PLEKHG3: variants seen among roughly 807,000 people sequenced by gnomAD.
PLEKHG3 encodes the protein pleckstrin homology domain-containing family G member 3.
Under a neutral mutation model 94.9 loss-of-function variants are expected in PLEKHG3, and 62 were observed. The ratio of observed to expected loss-of-function variants is 0.65; its 90% CI spans 0.53 to 0.81. The LOEUF is 0.81. PLEKHG3 is among the 30% of genes least tolerant of loss of function. The pLI is 0.00. For missense variants in PLEKHG3, 1,461 were observed against 1,619.3 expected, an observed-to-expected ratio of 0.90 and a Z score of 1.68; for synonymous variants, 614 against 654.0, an observed-to-expected ratio of 0.94 and a Z score of 0.93.
chr14:64,743,353 A>C lies in PLEKHG3; in HGVS notation c.3310A>C (p.Lys1104Gln). The C allele has an allele frequency of 1.9e-6, 3 of 1,608,028 alleles. No individual in the cohort carries two copies. Among genetic ancestry groups the C allele is most frequent in the Non-Finnish European group, 2.5e-6 (3 of 1,177,450 alleles). ...GGGCCGCTGCCGCAGCCTGAGCACC[A>C]AGAGGGGCCGGGGAGGCGGAGAGGC... is the stretch of plus-strand genomic sequence containing the variant. ...RVGRCRSLST[K>Q]RGRGGGEAAQ... The change falls in exon 17 of 17, where the codon AAG becomes CAG. Residue 1104 changes from lysine to glutamine, a missense_variant. Coordinates refer to ENST00000247226, the MANE Select transcript of PLEKHG3 (RefSeq NM_001308147.2). This position sits in a 1 kb window ranked among gnomAD's most constrained non-coding sequence, Gnocchi z 7.2.
At position 64,742,435 on chromosome 14, in the gene PLEKHG3, G is replaced by A; in HGVS notation, c.2918G>A (p.Gly973Glu). Residue 973 changes from glycine (G) to glutamate (E), a missense_variant, in exon 16 of 17, where the codon GGA (glycine) becomes GAA (glutamate). Physicochemically the swap from Gly to Glu is moderately conservative, Grantham distance 98. Transcript: ENST00000247226. The part of the protein sequence containing the change: ...PTVPCLQEEA[G>E]EPLGGKGKRK... ...GTGCCCTGTCTACAGGAAGAGGCTGGAGAGCCATTAGGTGGCAAAGGTATG... is the reference window on the plus strand; with the variant it reads ...GTGCCCTGTCTACAGGAAGAGGCTGAAGAGCCATTAGGTGGCAAAGGTATG... 6.2e-7 allele frequency: 1 copy of A among 1,609,536 alleles called. No individual in the cohort carries two copies. The highest frequency in any genetic ancestry group is 8.5e-7 in the Non-Finnish European group (1 of 1,177,896).
In PLEKHG3 at chr14:64,730,848, T is replaced by A; in HGVS notation, c.616T>A (p.Phe206Ile). Residue 206 changes from phenylalanine to isoleucine, a missense_variant, in exon 6 of 17, where the codon TTC becomes ATC. Phe to Ile is a conservative substitution (Grantham distance 21). Transcript: ENST00000247226. This position sits in a 1 kb window ranked among gnomAD's most constrained non-coding sequence, Gnocchi z 5.4. ...CATGCGGGACAAGCAGCAGGCCAAG[T>A]TCTTTCGGGACCGGCAGGAGCTGCT... ...ECMRDKQQAK[F>I]FRDRQELLQH... 1 of 1,613,516 alleles carries A rather than the reference T, an allele frequency of 6.2e-7. No homozygotes were observed. The highest frequency in any genetic ancestry group is 8.5e-7 in the Non-Finnish European group (1 of 1,180,008).
intron 12 of PLEKHG3, among the ~76,000 whole-genome samples, 198 bp from the exon 13 acceptor site, chr14:64,736,655 G>A (rs2081575280): frequency 6.6e-6 from 1 of 152,172 alleles, no homozygotes; most frequent in Non-Finnish European, 1.5e-5. Context: ...AGATGGATGG[G>A]CCCGCCTCCC....
At chr14:64,705,510 A>T (rs192125342) in intron 1 of PLEKHG3, among the ~76,000 whole-genome samples, 24 of 152,134 alleles carry the variant, frequency 1.6e-4, no homozygotes, top group Admixed American at 2.6e-4. Flanking sequence ...GTCACTCGCT[A>T]ATCTGTTGGC....
In PLEKHG3 at chr14:64,731,493, C is replaced by A. The variant is rs1265600571; in HGVS notation, c.982C>A (p.Leu328Ile). 6.2e-7 allele frequency: 1 copy of A among 1,614,036 alleles called. No homozygotes were observed. Among genetic ancestry groups the A allele is most frequent in the East Asian group, 2.2e-5 (1 of 44,880 alleles). ...RTFFLFDKTL[L>I]ITKKRGDHFV... ...CTTTTTCCTCTTTGACAAAACACTG[C>A]TTATCACCAAGAAGCGGGGCGATCA... Residue 328 changes from leucine (L) to isoleucine (I), a missense_variant, in exon 8 of 17, where the codon CTT becomes ATT. By Grantham distance (5) the Leu-to-Ile change is conservative. Transcript: ENST00000247226. This position sits in a 1 kb window ranked among gnomAD's most constrained non-coding sequence, Gnocchi z 6.1.
At chr14:64,735,059 T>C (rs1050325450) in intron 12 of PLEKHG3, among the ~76,000 whole-genome samples, 1 of 152,104 alleles carries the variant, frequency 6.6e-6, no homozygotes, top group Admixed American at 6.5e-5. Flanking sequence ...TGTTTTGTAC[T>C]CTTGAGCCTT....
At position 64,738,553 on chromosome 14, in the gene PLEKHG3, C is replaced by A. The variant is rs1332112077; in HGVS notation, c.1405-189C>A. On this transcript the variant is annotated intron_variant, in intron 14 of 16. Coordinates refer to ENST00000247226, the MANE Select transcript of PLEKHG3 (RefSeq NM_001308147.2). The surrounding 1 kb of genome is among the most constrained non-coding windows in gnomAD (Gnocchi z 4.8). ...GGTGGGCTGAGGTTTTTTGAAGCTG[C>A]ATGCCTGACAAGGCTTTCCGCAGCC... 6.6e-6 allele frequency among the ~76,000 whole-genome samples: 1 copy of A among 152,222 alleles called. No individual in the cohort carries two copies. The highest frequency in any genetic ancestry group is 1.9e-4 in the East Asian group (1 of 5,188).
chr14:64,740,278 T>C (rs2081661001), intron 15 of PLEKHG3, among the ~76,000 whole-genome samples: 1 of 141,152 alleles, frequency 7.1e-6, no homozygotes, highest in Admixed American at 6.8e-5. Context: ...TCCGATCTTA[T>C]AATTAGTGTT....
chr14:64,725,657 C>T lies in PLEKHG3; in HGVS notation c.-39-1936C>T, dbSNP rs922489150. On this transcript the variant is annotated intron_variant, in intron 1 of 16. Coordinates refer to ENST00000247226, the MANE Select transcript of PLEKHG3 (RefSeq NM_001308147.2). This position sits in a 1 kb window ranked among gnomAD's most constrained non-coding sequence, Gnocchi z 5.0. ...TTACCAAAATGATCCTGCTAATTAG[C>T]CCTCTGGGCATTGCACTGGGCTGCG... 6.6e-6 allele frequency among the ~76,000 whole-genome samples: 1 copy of T among 152,184 alleles called. No individual in the cohort carries two copies. Among genetic ancestry groups the T allele is most frequent in the Non-Finnish European group, 1.5e-5 (1 of 68,020 alleles).
Position 64,741,445 on chromosome 14 carries a change from G to T in PLEKHG3, c.1928G>T (p.Ser643Ile), listed in dbSNP as rs773411595. 6.2e-7 allele frequency: 1 copy of T among 1,612,762 alleles called. No homozygotes were observed. The highest frequency in any genetic ancestry group is 8.5e-7 in the Non-Finnish European group (1 of 1,180,014). Residue 643 changes from serine (S) to isoleucine (I), a missense_variant, in exon 16 of 17, where the codon AGC (serine) becomes ATC (isoleucine). Ser to Ile is a moderately radical substitution (Grantham distance 142, BLOSUM62 -2). Around this residue, in one of 3 missense-constraint regions of PLEKHG3, gnomAD observed 1,201 missense variants for 1,295.5 expected, o/e 0.93. Transcript: ENST00000247226. ...RLVSRSSSVL[S>I]LEGSEKGLAR... Reference sequence around the variant, plus strand: ...GTCAGCCGGAGCAGCAGCGTGCTCAGCCTGGAGGGCAGCGAGAAGGGCCTG... The same window carrying T: ...GTCAGCCGGAGCAGCAGCGTGCTCATCCTGGAGGGCAGCGAGAAGGGCCTG...
In PLEKHG3 at chr14:64,736,921, A is replaced by AAAG. The variant is rs1184641306; in HGVS notation, c.1384+30_1384+31insAAG. ...GTGTGTGAGGTGGCCAGCCATTCCC[A>AAAG]GTGAGCGGGGGAGGAGGAGGGAGGA... On this transcript the variant is annotated intron_variant, in intron 13 of 16. Transcript: ENST00000247226. The AAAG allele has an allele frequency of 4.4e-5, 70 of 1,585,944 alleles. 1 individual carries two copies. The highest frequency in any genetic ancestry group is 5.9e-5 in the Non-Finnish European group (68 of 1,154,480).
chr14:64,741,914 C>T lies in PLEKHG3; in HGVS notation c.2397C>T (p.Asp799=). The change falls in exon 16 of 17, where the codon GAC becomes GAT. Residue 799 remains aspartate (D), a synonymous_variant. Coordinates refer to ENST00000247226, the MANE Select transcript of PLEKHG3 (RefSeq NM_001308147.2). Reference sequence around the variant, plus strand: ...GACCAAGCCAGGCAGTCAAAGGGGACCCACCTCCCATCTCAGATGCTGAGT... The same window carrying T: ...GACCAAGCCAGGCAGTCAAAGGGGATCCACCTCCCATCTCAGATGCTGAGT... ...LPGPSQAVKG[D]PPPISDAEFR... 1 of 1,592,478 alleles carries T rather than the reference C, an allele frequency of 6.3e-7. No homozygotes were observed. The highest frequency in any genetic ancestry group is 8.5e-7 in the Non-Finnish European group (1 of 1,170,692).
rs995005327 is a variant in PLEKHG3 at position 64,721,240 on chromosome 14, G to A, written c.-39-6353G>A. Among the ~76,000 whole-genome samples, 1 of 152,162 alleles carries A rather than the reference G, an allele frequency of 6.6e-6. No homozygotes were observed. The highest frequency in any genetic ancestry group is 2.4e-5 in the African/African-American group (1 of 41,434). ...AATGTGTATAGGCAGAGGGTCTGGG[G>A]ACACATTCCAGGTTTGGGAGACAAC... On this transcript the variant is annotated intron_variant, in intron 1 of 16. Transcript: ENST00000247226. The surrounding 1 kb of genome is among the most constrained non-coding windows in gnomAD (Gnocchi z 4.3).
chr14:64,733,877 T>C (rs2081521620), intron 12 of PLEKHG3, among the ~76,000 whole-genome samples: 1 of 152,232 alleles, frequency 6.6e-6, no homozygotes, highest in African/African-American at 2.4e-5. Context: ...TGCTATTTAG[T>C]GCAAGGCCCA....
At chr14:64,710,300 G>C (rs551064622) in intron 1 of PLEKHG3, among the ~76,000 whole-genome samples, 4 of 152,196 alleles carry the variant, frequency 2.6e-5, no homozygotes, top group African/African-American at 4.8e-5. Context: ...CTTCATGCCA[G>C]TCTTCTCAGA....
Position 64,741,994 on chromosome 14 carries a change from G to A in PLEKHG3, c.2477G>A (p.Gly826Glu). The change falls in exon 16 of 17, where the codon GGG becomes GAG. Residue 826 changes from glycine to glutamate, a missense_variant. Gly to Glu is a moderately conservative substitution (Grantham distance 98, BLOSUM62 -2). Around this residue, in one of 3 missense-constraint regions of PLEKHG3, gnomAD observed 1,201 missense variants for 1,295.5 expected, o/e 0.93. Transcript: ENST00000247226. ...TGGGAGGGAATGGAGTCTTCCGGAG[G>A]GAGCCCTGGGAAGGGGCCAGGCCAG... ...KIWEGMESSG[G>E]SPGKGPGQGQ... 6.4e-7 allele frequency: 1 copy of A among 1,570,836 alleles called. No individual in the cohort carries two copies. Among genetic ancestry groups the A allele is most frequent in the Non-Finnish European group, 8.6e-7 (1 of 1,159,936 alleles).
chr14:64,736,980 A>C, intron 13 of PLEKHG3, 89 bp downstream of exon 13: 1 of 954,856 alleles, frequency 1.0e-6, no homozygotes, highest in Non-Finnish European at 1.7e-6. Context: ...GTGTGACCTG[A>C]GGGTGGAGGA....
At chr14:64,737,222 C>T (rs2081588661) in intron 13 of PLEKHG3, 134 bp from the exon 14 acceptor site, 1 of 719,558 alleles carries the variant, frequency 1.4e-6, no homozygotes, top group Non-Finnish European at 2.5e-6. Flanking sequence ...GGTGAGGGTT[C>T]TGGGAGCAGG....
In PLEKHG3 at chr14:64,716,041, G is replaced by A. The variant is rs1248398277; in HGVS notation, c.-40+11337G>A. The A allele has an allele frequency of 1.3e-5, 6 of 456,198 alleles. No individual in the cohort carries two copies. The highest frequency in any genetic ancestry group is 1.8e-5 in the Non-Finnish European group (4 of 226,770). 28.3% of individuals were successfully genotyped at this position (456,198 alleles called of 1,614,324 possible). ...GGTGCTGGGGACAATGCGGCTGCCC[G>A]GCCCCTCGCCACCCTCGTGGTGCCC... On this transcript the variant is annotated intron_variant, in intron 1 of 16. Coordinates refer to ENST00000247226, the MANE Select transcript of PLEKHG3 (RefSeq NM_001308147.2). This position sits in a 1 kb window ranked among gnomAD's most constrained non-coding sequence, Gnocchi z 5.0.
Sources: gnomAD v4.1 joint callset for allele counts (sites outside exome capture counted in the v4.1 genomes callset) on GRCh38, gnomAD v4.1.1 for gene constraint, gnomAD v4.1.1 regional missense constraint, Gnocchi (gnomAD v3.1) non-coding constraint, MANE v1.5 for transcripts, NCBI Gene and HGNC (gene_info 2026-07-23, HGNC 2026-07-21) for gene names.